The following RPTOR variants were observed in gnomAD, a reference collection of about 807,000 sequenced individuals.
RPTOR encodes regulatory associated protein of MTOR complex 1, also known as regulatory-associated protein of mTOR.
Under a neutral mutation model 169.9 loss-of-function variants are expected in RPTOR, and 21 were observed. The observed-to-expected ratio is 0.12, with a 90% CI of 0.09 to 0.18. The LOEUF (loss-of-function observed/expected upper bound fraction) is 0.18, where lower values mean the gene tolerates loss of function less well. Ranked by LOEUF, RPTOR falls within the 10% of genes least tolerant of loss-of-function variation. The pLI, the probability that RPTOR is intolerant of heterozygous loss-of-function variation, is 1.00. For synonymous variants in RPTOR, 732 were observed against 753.2 expected, an observed-to-expected ratio of 0.97 and a Z score of 0.46; for missense variants, 1,133 against 1,855.9, an observed-to-expected ratio of 0.61 and a Z score of 7.16.
chr17:80,782,035 G>T (rs937348389), intron 6 of RPTOR, among the ~76,000 whole-genome samples: 14 of 152,234 alleles, frequency 9.2e-5, no homozygotes, highest in Non-Finnish European at 1.8e-4. Context: ...ATTCTTAAAT[G>T]ATCTGCGCGA....
chr17:80,613,732 G>A (rs1465046589), intron 1 of RPTOR, among the ~76,000 whole-genome samples: 4 of 151,302 alleles, frequency 2.6e-5, no homozygotes, highest in South Asian at 2.1e-4. Context: ...GCTGGGCCGC[G>A]TGTTGTGTGG....
intron 5 of RPTOR, among the ~76,000 whole-genome samples, chr17:80,745,452 G>A (rs539046498): frequency 9.9e-5 from 15 of 152,274 alleles, no homozygotes; most frequent in Non-Finnish European, 1.3e-4. Context: ...AGCAATAGGC[G>A]CAACTTGGTT....
At chr17:80,578,741 C>G (rs1385220443) in intron 1 of RPTOR, among the ~76,000 whole-genome samples, 1 of 152,198 alleles carries the variant, frequency 6.6e-6, no homozygotes. Flanking sequence ...TTACTTAAAT[C>G]TAGATGGCTA....
At chr17:80,706,807 G>C (rs552297663) in intron 3 of RPTOR, among the ~76,000 whole-genome samples, 3 of 152,284 alleles carry the variant, frequency 2.0e-5, no homozygotes, top group East Asian at 1.9e-4. Flanking sequence ...TGAATTAAAC[G>C]AGCGAGAGCT....
intron 3 of RPTOR, among the ~76,000 whole-genome samples, chr17:80,658,720 C>A (rs188704963): frequency 7.4e-6 from 1 of 134,544 alleles, no homozygotes; most frequent in African/African-American, 4.1e-5. Flanking sequence ...TGTTCTGTTC[C>A]GAGTTTTTTT....
intron 1 of RPTOR, among the ~76,000 whole-genome samples, chr17:80,599,674 T>C (rs2065171376): frequency 2.0e-5 from 3 of 152,162 alleles, no homozygotes; most frequent in Non-Finnish European, 4.4e-5. Context: ...GCAGACGGTG[T>C]CCACCACATG....
At chr17:80,952,324 C>T (rs1050101803) in intron 28 of RPTOR, among the ~76,000 whole-genome samples, 1 of 152,204 alleles carries the variant, frequency 6.6e-6, no homozygotes, top group African/African-American at 2.4e-5. Flanking sequence ...TGGTGCTCTC[C>T]ATCTTCGTCA....
intron 20 of RPTOR, among the ~76,000 whole-genome samples, chr17:80,904,963 A>G (rs988199533): frequency 2.6e-5 from 4 of 152,170 alleles, no homozygotes; most frequent in African/African-American, 7.2e-5. Flanking sequence ...CGACTTTGAT[A>G]TAAGTGGAAG....
chr17:80,872,012 C>T (rs1229573177), intron 13 of RPTOR, among the ~76,000 whole-genome samples: 2 of 152,198 alleles, frequency 1.3e-5, no homozygotes, highest in Admixed American at 6.5e-5. Flanking sequence ...AGCGTTCCCC[C>T]TGCTCATCTA....
At chr17:80,617,678 A>T (rs1379757781) in intron 1 of RPTOR, among the ~76,000 whole-genome samples, 2 of 151,992 alleles carry the variant, frequency 1.3e-5, no homozygotes, top group African/African-American at 4.8e-5. Context: ...TTTTTTGTTA[A>T]TTTCACCCCA....
intron 1 of RPTOR, among the ~76,000 whole-genome samples, chr17:80,551,615 C>T (rs1156967292): frequency 6.6e-6 from 1 of 152,248 alleles, no homozygotes; most frequent in African/African-American, 2.4e-5. Context: ...TTCCCTATCT[C>T]AGTAGATGGA....
At chr17:80,685,617 ATATATATATATTTTTTT>A (rs1427189495) in intron 3 of RPTOR, among the ~76,000 whole-genome samples, 1 of 12,230 alleles carries the variant, frequency 8.2e-5, no homozygotes, top group Non-Finnish European at 1.7e-4. Flanking sequence ...ATATATATAT[ATATATATATATTTTTTT>A]TTTTTTTTTT....
At chr17:80,921,199 C>T (rs2068740520) in intron 21 of RPTOR, among the ~76,000 whole-genome samples, 2 of 152,232 alleles carry the variant, frequency 1.3e-5, no homozygotes, top group South Asian at 2.1e-4. Context: ...ATTGCAGGCT[C>T]CACGCGGATG....
chr17:80,918,736 C>A (rs1260384430), intron 21 of RPTOR, among the ~76,000 whole-genome samples: 2 of 152,176 alleles, frequency 1.3e-5, no homozygotes, highest in African/African-American at 2.4e-5. Flanking sequence ...TGACTCCCAC[C>A]CCCTAGGGCT....
At chr17:80,898,746 G>A (rs903919486) in intron 20 of RPTOR, among the ~76,000 whole-genome samples, 7 of 134,964 alleles carry the variant, frequency 5.2e-5, no homozygotes, top group Non-Finnish European at 7.9e-5. Flanking sequence ...TGCTCACCCC[G>A]CCCCTGCTCA....
intron 4 of RPTOR, among the ~76,000 whole-genome samples, chr17:80,717,537 C>T (rs1395908108): frequency 3.3e-5 from 5 of 152,162 alleles, no homozygotes; most frequent in African/African-American, 1.2e-4. Flanking sequence ...CCACCGGAGA[C>T]AGGCGCGTGT....
intron 6 of RPTOR, among the ~76,000 whole-genome samples, chr17:80,759,398 A>G (rs1247115624): frequency 1.3e-5 from 2 of 152,120 alleles, no homozygotes; most frequent in Non-Finnish European, 2.9e-5. Context: ...TGCAGTGAAA[A>G]ACAAACTGAT....
rs1228855496 is a variant in RPTOR, at chr17:80,940,533, A to G, written c.2957A>G (p.Lys986Arg). Reference protein sequence around the residue: ...EEHDLESQIRKEREWRFLRNS... With the variant: ...EEHDLESQIRREREWRFLRNS... ...CACGACCTGGAGAGTCAGATCCGCA[A>G]GGAGCGGGAGTGGCGGTTCCTGCGA... The change falls in exon 25 of 34, where the codon AAG (lysine) becomes AGG (arginine). Residue 986 changes from lysine to arginine, a missense_variant. Coordinates refer to ENST00000306801, the MANE Select transcript of RPTOR (RefSeq NM_020761.3). 1 of 1,613,930 alleles carries G rather than the reference A, an allele frequency of 6.2e-7. No homozygotes were observed. Among genetic ancestry groups the G allele is most frequent in the Admixed American group, 1.7e-5 (1 of 60,014 alleles).
rs201902674 is a variant in RPTOR at position 80,545,604 on chromosome 17, G to A, written c.-26G>A. 367 of 1,572,904 alleles carry A rather than the reference G, an allele frequency of 2.3e-4. 5 individuals are homozygous for A. The South Asian group carries it at 4.0e-3, about 17-fold the overall frequency. Reference sequence around the variant, plus strand: ...GAGGTTCTCGAGCGCTTGCTGCCAAGGACTCCCCCACCCCCTCCCCCACTG... The same window carrying A: ...GAGGTTCTCGAGCGCTTGCTGCCAAAGACTCCCCCACCCCCTCCCCCACTG... On this transcript the variant is annotated 5_prime_UTR_variant, in exon 1 of 34. Transcript: ENST00000306801.
Sources: allele counts gnomAD v4.1 joint callset (sites outside exome capture counted in the v4.1 genomes callset), GRCh38; gene constraint gnomAD v4.1.1; transcripts MANE v1.5; gene names NCBI Gene and HGNC (gene_info 2026-07-23, HGNC 2026-07-21).